The following VHL variants were observed in gnomAD, a reference collection of about 807,000 sequenced individuals.
VHL encodes von Hippel-Lindau tumor suppressor.
In VHL, 10 loss-of-function variants were observed where a neutral mutation model predicts 19.2. That is an observed-to-expected ratio of 0.52 (90% CI 0.32 to 0.89). The LOEUF (loss-of-function observed/expected upper bound fraction) is 0.89. Among genes scored for constraint, VHL ranks in the 40% least tolerant of loss-of-function variants. The pLI is 0.03. For synonymous variants in VHL, 167 were observed against 129.5 expected (o/e 1.29, Z -1.97); for missense variants, 328 against 292.7 (o/e 1.12, Z -0.88).
rs1361905543 is a variant in VHL, at chr3:10,141,792, CG to C, written c.-55del. On this transcript the variant is annotated 5_prime_UTR_variant, in exon 1 of 3. Coordinates refer to ENST00000256474, the MANE Select transcript of VHL (RefSeq NM_000551.4). ...GGAGCGCGCACGCAGCTCCGCCCCG[CG>C]TCCGACCCGCGGATCCCGCGGCGTC... The C allele has an allele frequency of 6.5e-6, 10 of 1,529,990 alleles. 1 individual carries two copies. In the African/African-American group the frequency reaches 1.4e-4, roughly 21 times the overall value. 94.8% of individuals were successfully genotyped at this position (1,529,990 alleles called of 1,614,324 possible).
rs1696432102 is a variant in VHL, at chr3:10,152,362, CTT to C, written c.*2398_*2399del. On this transcript the variant is annotated 3_prime_UTR_variant, in exon 3 of 3. Transcript: ENST00000256474. ...CCAGCCTGTGTGACAGAGCAATACTCTTGTCTCAAAAAAAAAAAAAAATTCAA... is the reference window on the plus strand; with the variant it reads ...CCAGCCTGTGTGACAGAGCAATACTCGTCTCAAAAAAAAAAAAAAATTCAA... The C allele has an allele frequency of 6.6e-6, 1 of 152,062 alleles. No individual in the cohort carries two copies. Among genetic ancestry groups the C allele is most frequent in the Non-Finnish European group, 1.4e-5 (1 of 70,146 alleles). The allele number at this position is 152,062 out of a possible 1,614,324, so 9.4% of individuals were successfully genotyped here.
rs1225416619 is a variant in VHL, at chr3:10,152,556, G to C, written c.*2591G>C. On this transcript the variant is annotated 3_prime_UTR_variant, in exon 3 of 3. Transcript: ENST00000256474. ...TGCCCAGGCTGGAGTGCAGTGGTGC[G>C]ATCTCTGCTCACTACAAGCTCTGCC... Among the ~76,000 whole-genome samples, 1 of 118,042 alleles carries C rather than the reference G, an allele frequency of 8.5e-6. No homozygotes were observed. The highest frequency in any genetic ancestry group is 3.3e-5 in the African/African-American group (1 of 30,006). 77.4% of individuals were successfully genotyped at this position (118,042 alleles called of 152,430 possible). A position where few individuals can be genotyped will look rare whatever the true frequency, so the allele number is the denominator to read the frequency against.
intron 1 of VHL, among the ~76,000 whole-genome samples, chr3:10,145,815 C>CT (rs1470951993): frequency 6.6e-6 from 1 of 151,994 alleles, no homozygotes; most frequent in Non-Finnish European, 1.5e-5. Flanking sequence ...TTTGCACTTC[C>CT]TTGTTTTTGA....
chr3:10,151,538 C>T lies in VHL; in HGVS notation c.*1573C>T. On this transcript the variant is annotated 3_prime_UTR_variant, in exon 3 of 3. Coordinates refer to ENST00000256474, the MANE Select transcript of VHL (RefSeq NM_000551.4). ...CATTAACATTTTGAGCTATTTCCTT[C>T]CAGCCTTTTTAGGGCAGATTTTGGT... The T allele has an allele frequency of 4.4e-6, 1 of 226,622 alleles. No individual in the cohort carries two copies. Among genetic ancestry groups the T allele is most frequent in the Non-Finnish European group, 8.8e-6 (1 of 113,930 alleles). The allele number at this position is 226,622 out of a possible 1,614,324, so 14.0% of individuals were successfully genotyped here. A position where few individuals can be genotyped will look rare whatever the true frequency, so the allele number is the denominator to read the frequency against.
rs540455863 is a variant in VHL at position 10,153,058 on chromosome 3, C to T, written c.*3093C>T. 4.0e-5 allele frequency among the ~76,000 whole-genome samples: 6 copies of T among 151,886 alleles called. No individual in the cohort carries two copies. The highest frequency in any genetic ancestry group is 1.3e-4 in the Admixed American group (2 of 15,252). On this transcript the variant is annotated 3_prime_UTR_variant, in exon 3 of 3. Coordinates refer to ENST00000256474, the MANE Select transcript of VHL (RefSeq NM_000551.4). ...TTGGGAGGCCTAGGCGGGTGGATCA[C>T]GAGGTCAGGAAATCGAGACCATCCT...
intron 2 of VHL, among the ~76,000 whole-genome samples, chr3:10,147,073 G>T (rs1460348092): frequency 2.0e-5 from 3 of 152,032 alleles, no homozygotes; most frequent in African/African-American, 7.2e-5. Flanking sequence ...GTGCAGTGGC[G>T]CAATCTCGGC....
Position 10,151,025 on chromosome 3 carries a change from C to T in VHL, c.*1060C>T, listed in dbSNP as rs1681668. 0.6 allele frequency: 115,698 copies of T among 193,094 alleles called. 37,563 individuals carry two copies. The highest frequency in any genetic ancestry group is 0.75 in the East Asian group (9,146 of 12,208). 12.0% of individuals were successfully genotyped at this position (193,094 alleles called of 1,614,324 possible). On this transcript the variant is annotated 3_prime_UTR_variant, in exon 3 of 3. Coordinates refer to ENST00000256474, the MANE Select transcript of VHL (RefSeq NM_000551.4). Reference sequence around the variant, plus strand: ...CCTCCTGAGTAGCTGGGATTACAGGCGCCTGCCACCACGCTGGCCAATTTT... The same window carrying T: ...CCTCCTGAGTAGCTGGGATTACAGGTGCCTGCCACCACGCTGGCCAATTTT...
At position 10,153,347 on chromosome 3, in the gene VHL, T is replaced by C. The variant is rs1234339513; in HGVS notation, c.*3382T>C. On this transcript the variant is annotated 3_prime_UTR_variant, in exon 3 of 3. Transcript: ENST00000256474. ...GCGCCTGTGAGGCAGGCGAATCTCT[T>C]GAACCCGGGAGGCGGAGGTTGCAGT... 6.6e-6 allele frequency among the ~76,000 whole-genome samples: 1 copy of C among 151,804 alleles called. No individual in the cohort carries two copies. Among genetic ancestry groups the C allele is most frequent in the Non-Finnish European group, 1.5e-5 (1 of 67,950 alleles).
intron 1 of VHL, among the ~76,000 whole-genome samples, 166 bp downstream of exon 1, chr3:10,142,353 T>TC (rs1317839973): frequency 2.1e-5 from 3 of 144,564 alleles, no homozygotes; most frequent in African/African-American, 7.6e-5. Flanking sequence ...TTTTTTTTTT[T>TC]TTTTTTTTCT....
chr3:10,148,363 G>A (rs1379653317), intron 2 of VHL, among the ~76,000 whole-genome samples: 1 of 140,712 alleles, frequency 7.1e-6, no homozygotes, highest in Non-Finnish European at 1.5e-5. Context: ...CGCCCAGGCT[G>A]GAGTGCAGTG....
intron 2 of VHL, among the ~76,000 whole-genome samples, chr3:10,147,633 G>A (rs1028839489): frequency 6.6e-6 from 1 of 151,646 alleles, no homozygotes; most frequent in African/African-American, 2.4e-5. Flanking sequence ...CCAAAGTGCT[G>A]GGATTACAGG....
At chr3:10,143,793 T>A (rs2125126637) in intron 1 of VHL, among the ~76,000 whole-genome samples, 1 of 152,274 alleles carries the variant, frequency 6.6e-6, no homozygotes. Flanking sequence ...TTGTCAGATT[T>A]ATATACTGAA....
chr3:10,150,471 G>C lies in VHL; in HGVS notation c.*506G>C, dbSNP rs1575933414. On this transcript the variant is annotated 3_prime_UTR_variant, in exon 3 of 3. Transcript: ENST00000256474. ...AGTGCCTGCACATCATGAGCCTTCA[G>C]TCAGGGTTTGTCAGAGGAACAAACC... The C allele has an allele frequency of 3.2e-6, 2 of 627,954 alleles. No individual in the cohort carries two copies. The highest frequency in any genetic ancestry group is 9.4e-5 in the East Asian group (2 of 21,360). The allele number at this position is 627,954 out of a possible 1,614,324, so 38.9% of individuals were successfully genotyped here. A position where few individuals can be genotyped will look rare whatever the true frequency, so the allele number is the denominator to read the frequency against.
chr3:10,147,818 G>C (rs145495041), intron 2 of VHL, among the ~76,000 whole-genome samples: 1 of 152,124 alleles, frequency 6.6e-6, no homozygotes, highest in African/African-American at 2.4e-5. Flanking sequence ...GGTGGCTCCT[G>C]CCTGTAATCA....
chr3:10,146,502 T>C lies in VHL; in HGVS notation c.341-12T>C, dbSNP rs900747983. The stretch of plus-strand genomic sequence containing the variant: ...GGTGTGGCTCTTTAACAACCTTTGC[T>C]TGTCCCGATAGGTCACCTTTGGCTC... On this transcript the variant is annotated splice_polypyrimidine_tract_variant and intron_variant, in intron 1 of 2. Transcript: ENST00000256474. 1 of 1,613,296 alleles carries C rather than the reference T, an allele frequency of 6.2e-7. No homozygotes were observed. Among genetic ancestry groups the C allele is most frequent in the Non-Finnish European group, 8.5e-7 (1 of 1,179,526 alleles).
At chr3:10,148,850 T>G (rs1201521031) in intron 2 of VHL, among the ~76,000 whole-genome samples, 1 of 151,676 alleles carries the variant, frequency 6.6e-6, no homozygotes, top group Non-Finnish European at 1.5e-5. Flanking sequence ...TTTTTGCATT[T>G]TAGTGGAGAC....
intron 1 of VHL, among the ~76,000 whole-genome samples, chr3:10,143,519 C>G (rs902794386): frequency 6.6e-6 from 1 of 152,194 alleles, no homozygotes; most frequent in African/African-American, 2.4e-5. Flanking sequence ...ACAATCTTGG[C>G]TCACTGCAAT....
rs1052005754 is a variant in VHL at position 10,141,808 on chromosome 3, C to T, written c.-40C>T. On this transcript the variant is annotated 5_prime_UTR_variant, in exon 1 of 3. Transcript: ENST00000256474. ...TCCGCCCCGCGTCCGACCCGCGGATCCCGCGGCGTCCGGCCCGGGTGGTCT... is the reference window on the plus strand; with the variant it reads ...TCCGCCCCGCGTCCGACCCGCGGATTCCGCGGCGTCCGGCCCGGGTGGTCT... 13 of 1,534,962 alleles carry T rather than the reference C, an allele frequency of 8.5e-6. No homozygotes were observed. The highest frequency in any genetic ancestry group is 1.4e-5 in the African/African-American group (1 of 72,172).
At position 10,142,088 on chromosome 3, in the gene VHL, C is replaced by A; in HGVS notation, c.241C>A (p.Pro81Thr). Residue 81 changes from proline (P) to threonine (T), a missense_variant, in exon 1 of 3, where the codon CCG becomes ACG. Pro to Thr is a conservative substitution (Grantham distance 38). Transcript: ENST00000256474. The stretch of plus-strand genomic sequence containing the variant: ...CCAGGTCATCTTCTGCAATCGCAGT[C>A]CGCGCGTCGTGCTGCCCGTATGGCT... ...PSQVIFCNRS[P>T]RVVLPVWLNF... 6.2e-7 allele frequency: 1 copy of A among 1,605,344 alleles called. No homozygotes were observed. Among genetic ancestry groups the A allele is most frequent in the Non-Finnish European group, 8.5e-7 (1 of 1,179,682 alleles).
Sources: gnomAD v4.1 joint callset for allele counts (sites outside exome capture counted in the v4.1 genomes callset) on GRCh38, gnomAD v4.1.1 for gene constraint, MANE v1.5 for transcripts, NCBI Gene and HGNC (gene_info 2026-07-23, HGNC 2026-07-21) for gene names.